MYT1L: variants seen among roughly 807,000 people sequenced by gnomAD.
MYT1L encodes the protein myelin transcription factor 1 like, also known as myelin transcription factor 1-like protein.
MYT1L carries 12 observed loss-of-function variants against 126.7 expected under a neutral mutation model. That is an observed-to-expected ratio of 0.09 (90% confidence interval 0.06 to 0.15). MYT1L has a LOEUF of 0.15. Ranked by LOEUF, MYT1L falls within the 10% of genes least tolerant of loss-of-function variation. MYT1L has a pLI of 1.00. For synonymous variants in MYT1L, 541 were observed against 604.2 expected (o/e 0.90, Z 1.53); for missense variants, 979 against 1,585.2 (o/e 0.62, Z 6.49).
intron 18 of MYT1L, among the ~76,000 whole-genome samples, chr2:1,866,091 C>T (rs992191189): frequency 3.3e-5 from 5 of 152,128 alleles, no homozygotes; most frequent in African/African-American, 7.2e-5. Context: ...AAGTTGCCTG[C>T]GATGGAGCAG....
rs190711795 is a variant in MYT1L at position 2,122,723 on chromosome 2, C to T, written c.-304+50149G>A. On this transcript the variant is annotated intron_variant, in intron 3 of 24. Coordinates refer to ENST00000647738, the MANE Select transcript of MYT1L (RefSeq NM_001303052.2). ...CTCTTCGCTTCTCTGTCACAGAGAA[C>T]GCTGGGTTGGCCATACAACTTACTG... is the stretch of plus-strand genomic sequence containing the variant. Among the ~76,000 whole-genome samples the T allele has an allele frequency of 2.7e-3, 418 of 152,200 alleles. 5 individuals carry two copies. Among genetic ancestry groups the T allele is most frequent in the Non-Finnish European group, 3.1e-3 (211 of 68,010 alleles).
chr2:1,997,637 T>C (rs1223615129), intron 4 of MYT1L, among the ~76,000 whole-genome samples: 1 of 152,244 alleles, frequency 6.6e-6, no homozygotes, highest in Middle Eastern at 3.2e-3. Flanking sequence ...GTGCTCTGCC[T>C]GATATGGTTC....
chr2:2,177,964 T>C (rs754529927), intron 2 of MYT1L, among the ~76,000 whole-genome samples: 2 of 152,210 alleles, frequency 1.3e-5, no homozygotes, highest in Non-Finnish European at 2.9e-5. Flanking sequence ...TGAGATGATC[T>C]TTGGAGACAG....
At chr2:2,251,863 A>G (rs1274857237) in intron 2 of MYT1L, among the ~76,000 whole-genome samples, 1 of 151,562 alleles carries the variant, frequency 6.6e-6, no homozygotes. Flanking sequence ...GGGAGGGAGG[A>G]GGAAGGGAAG....
At chr2:2,087,739 C>G (rs756488219) in intron 3 of MYT1L, among the ~76,000 whole-genome samples, 1 of 152,100 alleles carries the variant, frequency 6.6e-6, no homozygotes, top group Non-Finnish European at 1.5e-5. Context: ...AGGGACTAAC[C>G]CAGTGCTTCT....
intron 4 of MYT1L, among the ~76,000 whole-genome samples, chr2:2,006,557 G>C (rs1245970433): frequency 6.6e-6 from 1 of 151,522 alleles, no homozygotes; most frequent in African/African-American, 2.4e-5. Flanking sequence ...TCTCACCTAC[G>C]TGTATTTGAG....
intron 2 of MYT1L, among the ~76,000 whole-genome samples, chr2:2,195,740 A>G (rs990064785): frequency 6.6e-6 from 1 of 152,208 alleles, no homozygotes; most frequent in Non-Finnish European, 1.5e-5. Flanking sequence ...TAGAATTAAA[A>G]ACTATAATAA....
At chr2:1,953,338 C>G (rs555791621) in intron 8 of MYT1L, among the ~76,000 whole-genome samples, 16 of 152,324 alleles carry the variant, frequency 1.1e-4, no homozygotes, top group Middle Eastern at 3.4e-3. Flanking sequence ...TGCGTGTCCA[C>G]AGTCACCCTT....
rs78433810 is a variant in MYT1L, at chr2:2,198,948, A to G, written c.-420-25960T>C. Reference sequence around the variant, plus strand: ...TATATATGCATTGAAACATCACACCATATTCCATAAGCATGTACAATTACC... The same window carrying G: ...TATATATGCATTGAAACATCACACCGTATTCCATAAGCATGTACAATTACC... On this transcript the variant is annotated intron_variant, in intron 2 of 24. Transcript: ENST00000647738. 9.9e-3 allele frequency among the ~76,000 whole-genome samples: 1,497 copies of G among 151,796 alleles called. 21 individuals carry two copies. The highest frequency in any genetic ancestry group is 0.03 in the African/African-American group (1,259 of 41,420).
chr2:1,873,508 T>C (rs1573081731), intron 18 of MYT1L, among the ~76,000 whole-genome samples: 1 of 152,174 alleles, frequency 6.6e-6, no homozygotes, highest in African/African-American at 2.4e-5. Flanking sequence ...CCAAACTCAG[T>C]CAGGCACATG....
rs568442684 is a variant in MYT1L, at chr2:2,228,076, A to G, written c.-420-55088T>C. Among the ~76,000 whole-genome samples, 1 of 152,342 alleles carries G rather than the reference A, an allele frequency of 6.6e-6. No individual in the cohort carries two copies. Among genetic ancestry groups the G allele is most frequent in the East Asian group, 1.9e-4 (1 of 5,184 alleles). ...ACGGCTAGTAAATGCCTAGGGTTGA[A>G]TATAAGTTTGTTGATGTTCAGACCA... On this transcript the variant is annotated intron_variant, in intron 2 of 24. Coordinates refer to ENST00000647738, the MANE Select transcript of MYT1L (RefSeq NM_001303052.2). This position sits in a 1 kb window ranked among gnomAD's most constrained non-coding sequence, Gnocchi z 5.9.
In MYT1L at chr2:1,912,335, T is replaced by C. The variant is rs992470647; in HGVS notation, c.1619-225A>G. Among the ~76,000 whole-genome samples the C allele has an allele frequency of 6.6e-6, 1 of 152,118 alleles. No homozygotes were observed. The highest frequency in any genetic ancestry group is 2.1e-4 in the South Asian group (1 of 4,818). The stretch of plus-strand genomic sequence containing the variant: ...CAGAGAAAGAAGGTTGACTGGACCC[T>C]ACAGACCCTACATGAAAGGCCAGAG... On this transcript the variant is annotated intron_variant, in intron 11 of 24. Coordinates refer to ENST00000647738, the MANE Select transcript of MYT1L (RefSeq NM_001303052.2). The surrounding 1 kb of genome is among the most constrained non-coding windows in gnomAD (Gnocchi z 4.3).
chr2:1,815,123 G>A (rs1450958305), intron 21 of MYT1L, among the ~76,000 whole-genome samples: 1 of 152,170 alleles, frequency 6.6e-6, no homozygotes, highest in Non-Finnish European at 1.5e-5. Context: ...TGTCAGGATA[G>A]CCAGGCCTGG....
intron 4 of MYT1L, among the ~76,000 whole-genome samples, chr2:2,049,626 T>C (rs944474127): frequency 2.6e-5 from 4 of 152,194 alleles, no homozygotes; most frequent in Non-Finnish European, 4.4e-5. Flanking sequence ...TCATCTTGAA[T>C]TGTAGCTCCC....
intron 3 of MYT1L, among the ~76,000 whole-genome samples, chr2:2,076,298 C>T (rs2075219420): frequency 6.6e-6 from 1 of 152,128 alleles, no homozygotes. Flanking sequence ...TGGGTGACCC[C>T]GAGGCTCTTT....
chr2:2,082,092 G>C (rs2075892079), intron 3 of MYT1L, among the ~76,000 whole-genome samples: 1 of 152,168 alleles, frequency 6.6e-6, no homozygotes, highest in African/African-American at 2.4e-5. Context: ...AAGGCTGATA[G>C]AATGATAGCA....
chr2:1,834,080 C>T (rs189072030), intron 21 of MYT1L, among the ~76,000 whole-genome samples: 2 of 152,384 alleles, frequency 1.3e-5, no homozygotes, highest in African/African-American at 4.8e-5. Context: ...AGCAGTTCTT[C>T]ATCATCTGGC....
At chr2:2,106,457 A>G (rs2078773771) in intron 3 of MYT1L, among the ~76,000 whole-genome samples, 1 of 151,984 alleles carries the variant, frequency 6.6e-6, no homozygotes, top group South Asian at 2.1e-4. Flanking sequence ...ATCTCAAATA[A>G]AAGTACAAAA....
At chr2:2,116,123 G>A (rs564220933) in intron 3 of MYT1L, among the ~76,000 whole-genome samples, 2 of 152,350 alleles carry the variant, frequency 1.3e-5, no homozygotes, top group African/African-American at 2.4e-5. Flanking sequence ...AACACGTTCT[G>A]TCCTCATGAG....
Sources: gnomAD v4.1 joint callset for allele counts (sites outside exome capture counted in the v4.1 genomes callset) on GRCh38, gnomAD v4.1.1 for gene constraint, Gnocchi (gnomAD v3.1) non-coding constraint, MANE v1.5 for transcripts, NCBI Gene and HGNC (gene_info 2026-07-23, HGNC 2026-07-21) for gene names.